Variants in NEK10 observed in about 807,000 individuals in gnomAD.
NEK10 encodes NIMA related kinase 10.
In NEK10, 122 loss-of-function variants were observed where a neutral mutation model predicts 159.8. The ratio of observed to expected loss-of-function variants is 0.76; its 90% CI spans 0.66 to 0.89. The LOEUF is 0.89. Among genes scored for constraint, NEK10 ranks in the 40% least tolerant of loss-of-function variants. NEK10 has a pLI of 0.00. For missense variants in NEK10, 1,342 were observed against 1,323.1 expected (o/e 1.01, Z -0.22); for synonymous variants, 466 against 457.1 (o/e 1.02, Z -0.25).
chr3:27,243,295 T>C (rs140137777), intron 23 of NEK10, among the ~76,000 whole-genome samples: 234 of 152,214 alleles, frequency 1.5e-3, no homozygotes, highest in African/African-American at 5.1e-3. Flanking sequence ...AAGAAATAAA[T>C]TGATGTAAAG....
chr3:27,308,934 TA>T lies in NEK10; in HGVS notation c.707del (p.Leu236Ter). 6.3e-7 allele frequency: 1 copy of T among 1,577,414 alleles called. No homozygotes were observed. Among genetic ancestry groups the T allele is most frequent in the Non-Finnish European group, 8.7e-7 (1 of 1,148,624 alleles). On this transcript the variant is annotated frameshift_variant, in exon 10 of 36. Transcript: ENST00000691995. LOFTEE classifies it high-confidence loss of function. ...LLGSLLALASLAESQECREKI... is the reference protein window; with the variant it reads ...LLGSLLALASXAESQECREKI... ...TAGAATACACTACTTACCTTTCTGCTAAACTAGCCAGAGCCAGAAGGGAACC... is the reference window on the plus strand; with the variant it reads ...TAGAATACACTACTTACCTTTCTGCTAACTAGCCAGAGCCAGAAGGGAACC...
At chr3:27,303,221 T>G (rs944584263) in intron 12 of NEK10, among the ~76,000 whole-genome samples, 2 of 152,206 alleles carry the variant, frequency 1.3e-5, no homozygotes, top group Admixed American at 1.3e-4. Context: ...AAATGATACT[T>G]TAGATGTGAA....
chr3:27,280,201 T>C (rs887769660), intron 22 of NEK10, among the ~76,000 whole-genome samples: 1 of 148,704 alleles, frequency 6.7e-6, no homozygotes, highest in Non-Finnish European at 1.5e-5. Flanking sequence ...GAGGATGAGA[T>C]ATTCCAATAA....
At chr3:27,133,240 G>A (rs1480061595) in intron 31 of NEK10, among the ~76,000 whole-genome samples, 2 of 152,162 alleles carry the variant, frequency 1.3e-5, no homozygotes, top group Non-Finnish European at 2.9e-5. Flanking sequence ...ATTTCAGGGT[G>A]TAACTGTTCG....
intron 33 of NEK10, among the ~76,000 whole-genome samples, chr3:27,116,330 G>A (rs1420341430): frequency 1.3e-5 from 2 of 152,028 alleles, no homozygotes; most frequent in African/African-American, 2.4e-5. Flanking sequence ...TGACTTCCTT[G>A]GGCATGGGCA....
chr3:27,222,768 TA>T (rs11307328), intron 23 of NEK10, among the ~76,000 whole-genome samples: 105,309 of 151,696 alleles, frequency 0.69, 38,365 homozygotes, highest in African/African-American at 0.92. Context: ...CATTTTCATG[TA>T]AAAAAAAACT....
At chr3:27,281,615 A>T (rs1204221985) in intron 22 of NEK10, among the ~76,000 whole-genome samples, 1 of 152,184 alleles carries the variant, frequency 6.6e-6, no homozygotes, top group Non-Finnish European at 1.5e-5. Flanking sequence ...TAGCAAGCGA[A>T]CATCCAAAAA....
chr3:27,229,523 A>C (rs1953004016), intron 23 of NEK10, among the ~76,000 whole-genome samples: 1 of 152,226 alleles, frequency 6.6e-6, no homozygotes, highest in African/African-American at 2.4e-5. Context: ...ACTAAAGGGA[A>C]ATCTCTGAAA....
In NEK10 at chr3:27,294,635, C is replaced by T. The variant is rs1304949635; in HGVS notation, c.1308+978G>A. ...TGCCTGCACCTTCCCGTTGGTAGCG[C>T]TCCAAAAACCCCTGCCTGCCAGCAC... On this transcript the variant is annotated intron_variant, in intron 15 of 35. Coordinates refer to ENST00000691995, the MANE Select transcript of NEK10 (RefSeq NM_001394966.1). Among the ~76,000 whole-genome samples, 4 of 152,164 alleles carry T rather than the reference C, an allele frequency of 2.6e-5. No homozygotes were observed. The South Asian group carries it at 6.2e-4, about 24-fold the overall frequency.
At chr3:27,162,373 C>T (rs62255210) in intron 30 of NEK10, 392,142 of 1,539,248 alleles carry the variant, frequency 0.25, 52,382 homozygotes, top group Middle Eastern at 0.39. Context: ...AATTACCACC[C>T]AAGCATCGTT....
At chr3:27,361,244 T>C (rs1434613118) in intron 1 of NEK10, among the ~76,000 whole-genome samples, 4 of 152,230 alleles carry the variant, frequency 2.6e-5, no homozygotes, top group African/African-American at 7.2e-5. Flanking sequence ...TCCATTGTCA[T>C]TGCATAATGA....
At chr3:27,130,118 T>C (rs949594841) in intron 32 of NEK10, among the ~76,000 whole-genome samples, 10 of 152,096 alleles carry the variant, frequency 6.6e-5, no homozygotes, top group African/African-American at 2.4e-4. Context: ...CCTAAAGCAA[T>C]ATATAGGGCC....
chr3:27,223,932 G>A (rs149156514), intron 23 of NEK10, among the ~76,000 whole-genome samples: 1 of 152,308 alleles, frequency 6.6e-6, no homozygotes, highest in African/African-American at 2.4e-5. Flanking sequence ...TCATCAGGAA[G>A]TTTTGTGGGT....
chr3:27,280,049 T>A (rs558206562), intron 22 of NEK10, among the ~76,000 whole-genome samples: 2 of 141,068 alleles, frequency 1.4e-5, no homozygotes, highest in East Asian at 4.1e-4. Context: ...AAAGGTGAAT[T>A]GACCATATGT....
intron 30 of NEK10, among the ~76,000 whole-genome samples, chr3:27,149,656 C>G (rs1479082581): frequency 6.6e-6 from 1 of 152,066 alleles, no homozygotes; most frequent in East Asian, 1.9e-4. Flanking sequence ...ACCAGCCATT[C>G]CCCCATCTTT....
In NEK10 at chr3:27,312,511, G is replaced by C. The variant is rs1213449137; in HGVS notation, c.490-334C>G. Among the ~76,000 whole-genome samples the C allele has an allele frequency of 3.3e-5, 5 of 152,232 alleles. No homozygotes were observed. The East Asian group carries it at 5.8e-4, about 18-fold the overall frequency. ...ATACATATAAGATACATAATACATA[G>C]TATATAGAATGTTTATTCTTCAATG... On this transcript the variant is annotated intron_variant, in intron 7 of 35. Coordinates refer to ENST00000691995, the MANE Select transcript of NEK10 (RefSeq NM_001394966.1).
intron 23 of NEK10, among the ~76,000 whole-genome samples, chr3:27,239,871 T>C (rs1350671888): frequency 6.6e-6 from 1 of 151,606 alleles, no homozygotes; most frequent in African/African-American, 2.4e-5. Context: ...GAACACTAGA[T>C]TTTTTTTTAT....
In NEK10 at chr3:27,195,674, G is replaced by A. The variant is rs146354958; in HGVS notation, c.2292-3432C>T. 3.5e-3 allele frequency among the ~76,000 whole-genome samples: 538 copies of A among 152,288 alleles called. 2 individuals are homozygous for A. The highest frequency in any genetic ancestry group is 6.2e-3 in the Non-Finnish European group (421 of 68,020). On this transcript the variant is annotated intron_variant, in intron 25 of 35. Transcript: ENST00000691995. ...AAAGCCTTCACAGATACTGGTCTGCGAAATGCTGCTTACTATTTGAGAGTT... is the reference window on the plus strand; with the variant it reads ...AAAGCCTTCACAGATACTGGTCTGCAAAATGCTGCTTACTATTTGAGAGTT...
Position 27,109,079 on chromosome 3 carries a change from A to G in NEK10, c.*2193T>C, listed in dbSNP as rs527555643. On this transcript the variant is annotated 3_prime_UTR_variant, in exon 36 of 36. Transcript: ENST00000691995. ...TAATAAATGCCCATTCCTATCACCT[A>G]AAAGAGTTACATGCAATGGCTGGGC... 6.3e-4 allele frequency among the ~76,000 whole-genome samples: 96 copies of G among 152,336 alleles called. No individual in the cohort carries two copies. Among genetic ancestry groups the G allele is most frequent in the Admixed American group, 5.6e-3 (86 of 15,292 alleles).
Sources: gnomAD v4.1 joint callset for allele counts (sites outside exome capture counted in the v4.1 genomes callset) on GRCh38, gnomAD v4.1.1 for gene constraint, MANE v1.5 for transcripts, NCBI Gene and HGNC (gene_info 2026-07-23, HGNC 2026-07-21) for gene names.